Variants in SIPA1L2 observed in about 807,000 individuals in gnomAD.
SIPA1L2 encodes the protein signal induced proliferation associated 1 like 2, also known as signal-induced proliferation-associated 1-like protein 2.
A neutral mutation model predicts 163.9 loss-of-function variants in SIPA1L2; 56 were observed. The observed-to-expected ratio is 0.34, with a 90% confidence interval of 0.28 to 0.43. SIPA1L2 has a LOEUF of 0.43. SIPA1L2 is among the 20% of genes least tolerant of loss of function. The pLI is 1.00. For missense variants in SIPA1L2, 1,974 were observed against 2,193.5 expected, an observed-to-expected ratio of 0.90 and a Z score of 2.00; for synonymous variants, 877 against 865.7, an observed-to-expected ratio of 1.01 and a Z score of -0.23.
chr1:232,429,296 T>C (rs1256345991), intron 16 of SIPA1L2, among the ~76,000 whole-genome samples: 2 of 152,072 alleles, frequency 1.3e-5, no homozygotes, highest in African/African-American at 2.4e-5. Context: ...AGGCAAACAG[T>C]CTTTGCCACA....
chr1:232,620,366 ACCTCCCAGGGTGC>A (rs1662738433), intron 1 of SIPA1L2, among the ~76,000 whole-genome samples: 1 of 151,908 alleles, frequency 6.6e-6, no homozygotes. Flanking sequence ...CTTCCTCAAC[ACCTCCCAGGGTGC>A]TACAGCAAGG....
chr1:232,489,640 GCCA>G (rs1665827868), intron 5 of SIPA1L2, among the ~76,000 whole-genome samples: 1 of 151,972 alleles, frequency 6.6e-6, no homozygotes, highest in African/African-American at 2.4e-5. Context: ...TAGAATTCTA[GCCA>G]TCTGCGGTGC....
At chr1:232,438,322 G>A (rs1662685683) in intron 15 of SIPA1L2, among the ~76,000 whole-genome samples, 1 of 152,194 alleles carries the variant, frequency 6.6e-6, no homozygotes, top group Admixed American at 6.5e-5. Context: ...AGCTGAATCA[G>A]GGAAGGCCTT....
chr1:232,456,417 T>A (rs1276270122), intron 10 of SIPA1L2, among the ~76,000 whole-genome samples: 1 of 152,324 alleles, frequency 6.6e-6, no homozygotes, highest in East Asian at 1.9e-4. Context: ...TTTAGACTCA[T>A]GATAACATGA....
At chr1:232,553,849 A>G (rs896766029) in intron 2 of SIPA1L2, among the ~76,000 whole-genome samples, 1 of 152,232 alleles carries the variant, frequency 6.6e-6, no homozygotes, top group African/African-American at 2.4e-5. Flanking sequence ...GAGGTGAGCC[A>G]TCTGTAAGTG....
At chr1:232,419,355 G>A (rs1661436918) in intron 18 of SIPA1L2, among the ~76,000 whole-genome samples, 1 of 152,144 alleles carries the variant, frequency 6.6e-6, no homozygotes, top group South Asian at 2.1e-4. Flanking sequence ...ATGTAACTGG[G>A]AAAATTACTA....
intron 2 of SIPA1L2, among the ~76,000 whole-genome samples, chr1:232,567,201 G>C (rs1659457222): frequency 6.6e-6 from 1 of 152,120 alleles, no homozygotes; most frequent in Non-Finnish European, 1.5e-5. Flanking sequence ...CTACTTCAAA[G>C]CACTACTGAA....
chr1:232,520,708 T>C (rs1436119355), intron 2 of SIPA1L2, among the ~76,000 whole-genome samples: 1 of 152,190 alleles, frequency 6.6e-6, no homozygotes, highest in Non-Finnish European at 1.5e-5. Flanking sequence ...TTCATGCCAG[T>C]ATCCCAACAG....
intron 10 of SIPA1L2, among the ~76,000 whole-genome samples, chr1:232,446,807 A>T (rs1572909769): frequency 6.6e-6 from 1 of 152,244 alleles, no homozygotes; most frequent in African/African-American, 2.4e-5. Context: ...GGCTTGCCCC[A>T]GTCCCTCCAT....
intron 3 of SIPA1L2, among the ~76,000 whole-genome samples, chr1:232,505,679 C>T (rs906426468): frequency 6.6e-6 from 1 of 152,114 alleles, no homozygotes; most frequent in Non-Finnish European, 1.5e-5. Context: ...GGAGCCCGTG[C>T]GACCACAGCC....
intron 1 of SIPA1L2, among the ~76,000 whole-genome samples, chr1:232,595,444 GTGCTGGGCTGTCAC>G (rs570231199): frequency 1.6e-3 from 247 of 152,308 alleles, no homozygotes; most frequent in Middle Eastern, 0.01. Context: ...ACCACCCTTT[GTGCTGGGCTGTCAC>G]TGCTGGGCTG....
intron 2 of SIPA1L2, among the ~76,000 whole-genome samples, chr1:232,560,575 A>C (rs1658971285): frequency 6.6e-6 from 1 of 152,162 alleles, no homozygotes. Flanking sequence ...TGTACTGGTC[A>C]CCTTGCCCAG....
At chr1:232,472,158 G>GT (rs1381136956) in intron 7 of SIPA1L2, among the ~76,000 whole-genome samples, 2 of 152,204 alleles carry the variant, frequency 1.3e-5, no homozygotes, top group Non-Finnish European at 2.9e-5. Flanking sequence ...GCTCAGAGCA[G>GT]TAACACTTGA....
intron 21 of SIPA1L2, 73 bp from the exon 22 acceptor site, chr1:232,402,546 C>A (rs764129518): frequency 1.5e-6 from 2 of 1,316,212 alleles, no homozygotes; most frequent in African/African-American, 1.5e-5. Context: ...AGTTTTCACT[C>A]GAAAAAATTA....
rs1333699283 is a variant in SIPA1L2, at chr1:232,513,874, T to C, written c.1466A>G (p.Lys489Arg). 15 of 1,573,788 alleles carry C rather than the reference T, an allele frequency of 9.5e-6. No homozygotes were observed. The highest frequency in any genetic ancestry group is 3.9e-5 in the Admixed American group (2 of 51,698). Residue 489 changes from lysine (K) to arginine (R), a missense_variant, in exon 3 of 23, where the codon AAA (lysine) becomes AGA (arginine). Lys to Arg is a conservative substitution (Grantham distance 26). Transcript: ENST00000674635. ...HIDLGAYYYR[K>R]FFYGKEHQNY... Reference sequence around the variant, plus strand: ...TTCCTTACCTTTCCCATAGAAGAATTTGCGGTAATAATAGGCCCCAAGGTC... The same window carrying C: ...TTCCTTACCTTTCCCATAGAAGAATCTGCGGTAATAATAGGCCCCAAGGTC...
chr1:232,618,770 C>G (rs1662640871), intron 1 of SIPA1L2, among the ~76,000 whole-genome samples: 1 of 152,062 alleles, frequency 6.6e-6, no homozygotes, highest in South Asian at 2.1e-4. Context: ...AACACATGAC[C>G]TTGAGTTGCA....
intron 2 of SIPA1L2, among the ~76,000 whole-genome samples, chr1:232,539,292 C>A (rs1657499565): frequency 6.6e-6 from 1 of 152,152 alleles, no homozygotes; most frequent in Non-Finnish European, 1.5e-5. Context: ...AGGTGCGAAA[C>A]AATCTGAGTC....
chr1:232,424,023 A>G (rs551084963), intron 18 of SIPA1L2, among the ~76,000 whole-genome samples: 1 of 152,342 alleles, frequency 6.6e-6, no homozygotes, highest in Non-Finnish European at 1.5e-5. Flanking sequence ...TTTTTAGGGC[A>G]GTGTAACTAC....
chr1:232,465,549 T>TAC lies in SIPA1L2; in HGVS notation c.2244-135_2244-134dup. 1 of 618,882 alleles carries TAC rather than the reference T, an allele frequency of 1.6e-6. No homozygotes were observed. The highest frequency in any genetic ancestry group is 2.3e-6 in the Non-Finnish European group (1 of 437,106). The allele number at this position is 618,882 out of a possible 1,614,324, so 38.3% of individuals were successfully genotyped here. On this transcript the variant is annotated intron_variant, in intron 8 of 22. Coordinates refer to ENST00000674635, the MANE Select transcript of SIPA1L2 (RefSeq NM_020808.5). This position sits in a 1 kb window ranked among gnomAD's most constrained non-coding sequence, Gnocchi z 4.1. ...ACACACACACATATACATACACACA[T>TAC]ACACACACACTTTCAACTTAACTGG...
Sources: gnomAD v4.1 joint callset for allele counts (sites outside exome capture counted in the v4.1 genomes callset) on GRCh38, gnomAD v4.1.1 for gene constraint, Gnocchi (gnomAD v3.1) non-coding constraint, MANE v1.5 for transcripts, NCBI Gene and HGNC (gene_info 2026-07-23, HGNC 2026-07-21) for gene names.